GPC4: variants seen among roughly 807,000 people sequenced by gnomAD.
GPC4 encodes the protein glypican 4, also known as glypican-4.
Under a neutral mutation model 35.0 loss-of-function variants are expected in GPC4, and 10 were observed. That is an observed-to-expected ratio of 0.29 (90% CI 0.18 to 0.48). GPC4 has a LOEUF of 0.48. Ranked by LOEUF, GPC4 falls within the 20% of genes least tolerant of loss-of-function variation. The pLI is 0.99. For synonymous variants in GPC4, 167 were observed against 170.2 expected, an observed-to-expected ratio of 0.98 and a Z score of 0.15; for missense variants, 322 against 451.3, an observed-to-expected ratio of 0.71 and a Z score of 2.60.
At chrX:133,408,183 G>A (rs1013442568) in intron 1 of GPC4, among the ~76,000 whole-genome samples, 1 of 112,603 alleles carries the variant, frequency 8.9e-6, no homozygotes, top group Non-Finnish European at 1.9e-5. Flanking sequence ...TAACCAAGTA[G>A]ATTTGAAAAT....
rs1362151011 is a variant in GPC4, at chrX:133,311,340, T to C, written c.795A>G (p.Pro265=). 7 of 1,211,107 alleles carry C rather than the reference T, an allele frequency of 5.8e-6. No individual in the cohort carries two copies. The highest frequency in any genetic ancestry group is 1.1e-6 in the Non-Finnish European group (1 of 894,708). Reference sequence around the variant, plus strand: ...TGATGTTTGAGCAGTAGTTGTAACATGGCTTCACAGTCACGAGACCCCGGC... The same window carrying C: ...TGATGTTTGAGCAGTAGTTGTAACACGGCTTCACAGTCACGAGACCCCGGC... ...SHCRGLVTVK[P]CYNYCSNIMR... is the part of the protein sequence containing the mutation. The change falls in exon 4 of 9, where the codon CCA becomes CCG. Residue 265 remains proline (P), a synonymous_variant. Transcript: ENST00000370828.
intron 4 of GPC4, 36 bp from the exon 5 acceptor site, chrX:133,306,190 A>C (rs1293428102): frequency 8.3e-7 from 1 of 1,200,031 alleles, no homozygotes; most frequent in East Asian, 3.0e-5. Context: ...ATACAGCATA[A>C]AAAGTCAATC....
chrX:133,414,880 CT>C lies in GPC4; in HGVS notation c.85del (p.Ser29ValfsTer29). 1 of 1,212,103 alleles carries C rather than the reference CT, an allele frequency of 8.3e-7. No homozygotes were observed. The highest frequency in any genetic ancestry group is 1.1e-6 in the Non-Finnish European group (1 of 895,533). On this transcript the variant is annotated frameshift_variant, in exon 1 of 9. Transcript: ENST00000370828. LOFTEE classifies it high-confidence loss of function. ...ALLAAELKSK[S>X]CSEVRRLYVS... The stretch of plus-strand genomic sequence containing the variant: ...GTAAAGACGTCGCACTTCCGAGCAA[CT>C]TTTCGACTTGAGCTCGGCAGCCAGC...
At chrX:133,367,596 C>G (rs1374547961) in intron 1 of GPC4, among the ~76,000 whole-genome samples, 7 of 112,063 alleles carry the variant, frequency 6.2e-5, no homozygotes, top group African/African-American at 2.3e-4. Flanking sequence ...GGGCTGGGTG[C>G]GGTGGCTAAT....
chrX:133,323,457 G>A (rs1334525228), intron 3 of GPC4, among the ~76,000 whole-genome samples: 1 of 111,971 alleles, frequency 8.9e-6, no homozygotes. Context: ...CTCTGGCCTG[G>A]GCAGCAGAAC....
At chrX:133,380,987 T>C (rs2068658116) in intron 1 of GPC4, among the ~76,000 whole-genome samples, 2 of 112,065 alleles carry the variant, frequency 1.8e-5, no homozygotes, top group African/African-American at 6.5e-5. Context: ...ACACCAGCAA[T>C]TTTTAGTAAG....
In GPC4 at chrX:133,311,643, G is replaced by T. The variant is rs2068314900; in HGVS notation, c.712-220C>A. 6.9e-6 allele frequency: 3 copies of T among 437,549 alleles called. No individual in the cohort carries two copies. In the African/African-American group the frequency reaches 7.4e-5, roughly 11 times the overall value. 36.1% of individuals were successfully genotyped at this position (437,549 alleles called of 1,213,427 possible). ...GGAGATGACCCAAAACAAACAAGGT[G>T]CACCAACTCCCACCCTGTAAACACC... On this transcript the variant is annotated intron_variant, in intron 3 of 8. Coordinates refer to ENST00000370828, the MANE Select transcript of GPC4 (RefSeq NM_001448.3).
chrX:133,407,559 G>T (rs1459488043), intron 1 of GPC4, among the ~76,000 whole-genome samples: 2 of 111,528 alleles, frequency 1.8e-5, no homozygotes, highest in Non-Finnish European at 1.9e-5. Context: ...GATCAATCAG[G>T]CATGGTTTAC....
At chrX:133,328,961 A>G (rs2068406275) in intron 2 of GPC4, among the ~76,000 whole-genome samples, 1 of 112,097 alleles carries the variant, frequency 8.9e-6, no homozygotes, top group Admixed American at 9.5e-5. Flanking sequence ...AGTGTCTGTG[A>G]TCAGCGTTTA....
intron 3 of GPC4, among the ~76,000 whole-genome samples, chrX:133,322,517 G>A (rs950361780): frequency 1.2e-4 from 13 of 105,657 alleles, no homozygotes; most frequent in African/African-American, 2.5e-4. Flanking sequence ...CGGAGATCTC[G>A]CCACTGCACT....
intron 1 of GPC4, among the ~76,000 whole-genome samples, chrX:133,386,138 G>C (rs1043326909): frequency 2.8e-5 from 3 of 108,619 alleles, no homozygotes; most frequent in Non-Finnish European, 5.7e-5. Context: ...GGGAGACTGA[G>C]GTGGGAGGAT....
chrX:133,359,444 C>A (rs942941692), intron 1 of GPC4, among the ~76,000 whole-genome samples: 2 of 110,545 alleles, frequency 1.8e-5, no homozygotes, highest in African/African-American at 6.6e-5. Flanking sequence ...AAAAAATAGT[C>A]CAGAGAAGGA....
At chrX:133,309,754 G>A (rs922991771) in intron 4 of GPC4, among the ~76,000 whole-genome samples, 8 of 112,573 alleles carry the variant, frequency 7.1e-5, no homozygotes, top group Non-Finnish European at 1.5e-4. Flanking sequence ...TGACATTTGG[G>A]TGTGGGGATG....
chrX:133,311,175 T>A, intron 4 of GPC4, 83 bp downstream of exon 4: 1 of 1,004,172 alleles, frequency 1.0e-6, no homozygotes, highest in Non-Finnish European at 1.4e-6. Context: ...ACAAACAAAT[T>A]TCATAGCTGC....
chrX:133,368,244 A>G (rs1039435056), intron 1 of GPC4, among the ~76,000 whole-genome samples: 1 of 112,533 alleles, frequency 8.9e-6, no homozygotes, highest in East Asian at 2.8e-4. Context: ...TTAAAACACT[A>G]TTGGAGATTA....
chrX:133,392,995 A>G (rs2068726562), intron 1 of GPC4, among the ~76,000 whole-genome samples: 1 of 112,401 alleles, frequency 8.9e-6, no homozygotes, highest in African/African-American at 3.2e-5. Context: ...GACACAGGAA[A>G]CGCCCTTTGA....
intron 7 of GPC4, 62 bp from the exon 8 acceptor site, chrX:133,303,403 C>T: frequency 1.0e-6 from 1 of 984,609 alleles, no homozygotes; most frequent in Non-Finnish European, 1.4e-6. Flanking sequence ...ATCTGTCTGC[C>T]TCCCAAAGTG....
chrX:133,397,107 T>C (rs2068746804), intron 1 of GPC4, among the ~76,000 whole-genome samples: 1 of 111,960 alleles, frequency 8.9e-6, no homozygotes, highest in South Asian at 3.7e-4. Flanking sequence ...GGTAAAAAAA[T>C]GGCAAATGCT....
At chrX:133,361,467 C>T (rs111742960) in intron 1 of GPC4, among the ~76,000 whole-genome samples, 2,164 of 110,742 alleles carry the variant, frequency 0.02, 52 homozygotes, top group African/African-American at 0.067. Flanking sequence ...CACAGTTTGC[C>T]ATTTGGGAAG....
Sources: allele counts gnomAD v4.1 joint callset (sites outside exome capture counted in the v4.1 genomes callset), GRCh38; gene constraint gnomAD v4.1.1; transcripts MANE v1.5; gene names NCBI Gene and HGNC (gene_info 2026-07-23, HGNC 2026-07-21).